DYDC1: variants seen among roughly 807,000 people sequenced by gnomAD.
DYDC1 encodes the protein DPY30 domain containing 1.
A neutral mutation model predicts 27.9 loss-of-function variants in DYDC1; 21 were observed. That is an observed-to-expected ratio of 0.75 (90% confidence interval 0.53 to 1.08). DYDC1 has a LOEUF of 1.08. Ranked by LOEUF, DYDC1 falls within the 50% of genes least tolerant of loss-of-function variation. The pLI, the probability that DYDC1 is intolerant of heterozygous loss-of-function variation, is 0.00. For missense variants in DYDC1, 202 were observed against 205.9 expected (o/e 0.98, Z 0.12); for synonymous variants, 67 against 65.8 (o/e 1.02, Z -0.09).
chr10:80,355,018 G>A (rs1439528762), intron 1 of DYDC1, among the ~76,000 whole-genome samples: 2 of 151,456 alleles, frequency 1.3e-5, no homozygotes, highest in Non-Finnish European at 2.9e-5. Context: ...GACCAGACAA[G>A]AGGAGTAGCT....
At chr10:80,353,045 G>A (rs952062202) in intron 1 of DYDC1, among the ~76,000 whole-genome samples, 1 of 151,782 alleles carries the variant, frequency 6.6e-6, no homozygotes, top group Admixed American at 6.6e-5. Context: ...GACAGGGTTT[G>A]TACCCACCTC....
At chr10:80,346,560 A>G (rs1842652088) in intron 3 of DYDC1, among the ~76,000 whole-genome samples, 1 of 146,110 alleles carries the variant, frequency 6.8e-6, no homozygotes, top group Admixed American at 7.2e-5. Context: ...TCCTGGGTTC[A>G]CACCATTCTC....
At chr10:80,340,389 G>C (rs1172476592) in intron 4 of DYDC1, among the ~76,000 whole-genome samples, 1 of 152,194 alleles carries the variant, frequency 6.6e-6, no homozygotes, top group African/African-American at 2.4e-5. Context: ...GTGGTACTTT[G>C]CAGGGGACTA....
intron 1 of DYDC1, among the ~76,000 whole-genome samples, chr10:80,353,078 A>C (rs139967477): frequency 1.3e-5 from 2 of 152,088 alleles, no homozygotes; most frequent in Non-Finnish European, 2.9e-5. Flanking sequence ...CCCTAACCCT[A>C]AAGACTACAC....
chr10:80,351,280 G>A (rs959887597), intron 3 of DYDC1, among the ~76,000 whole-genome samples: 1 of 152,004 alleles, frequency 6.6e-6, no homozygotes, highest in African/African-American at 2.4e-5. Context: ...CCTTCTCCCT[G>A]CCCAACCTAT....
chr10:80,355,234 T>C (rs1233557521), intron 1 of DYDC1, among the ~76,000 whole-genome samples: 2 of 151,892 alleles, frequency 1.3e-5, no homozygotes, highest in African/African-American at 4.8e-5. Context: ...CCTGGACAAA[T>C]GCATCTAGCA....
intron 6 of DYDC1, chr10:80,338,033 G>A (rs1212069888): frequency 1.0e-6 from 1 of 967,390 alleles, no homozygotes; most frequent in Admixed American, 6.2e-5. Context: ...ACAGCATCAG[G>A]CACAGTGCCT....
intron 4 of DYDC1, among the ~76,000 whole-genome samples, chr10:80,340,998 T>C (rs1340381): frequency 0.5 from 75,711 of 152,030 alleles, 19,300 homozygotes; most frequent in East Asian, 0.8. Flanking sequence ...AATTCACCAT[T>C]CACACTTTTT....
Position 80,338,516 on chromosome 10 carries a change from G to T in DYDC1, c.455C>A (p.Ala152Glu), listed in dbSNP as rs1589496754. The T allele has an allele frequency of 6.2e-7, 1 of 1,611,658 alleles. No individual in the cohort carries two copies. Among genetic ancestry groups the T allele is most frequent in the African/African-American group, 1.3e-5 (1 of 74,948 alleles). Residue 152 changes from alanine to glutamate, a missense_variant, in exon 6 of 7, where the codon GCA (alanine) becomes GAA (glutamate). Coordinates refer to ENST00000372202, the MANE Select transcript of DYDC1 (RefSeq NM_001269053.2). ...TLAEISDRYG[A>E]PNLSRVEELD... The stretch of plus-strand genomic sequence containing the variant: ...TTCTTCCACTCTGCTCAAGTTAGGT[G>T]CTCCATAACGATCGCTGATTTCAGC...
intron 6 of DYDC1, among the ~76,000 whole-genome samples, chr10:80,337,593 A>C (rs1842175381): frequency 6.6e-6 from 1 of 152,224 alleles, no homozygotes; most frequent in East Asian, 1.9e-4. Flanking sequence ...AGAAATGACA[A>C]GTGCTTTCAT....
At chr10:80,354,383 G>A (rs1442941706) in intron 1 of DYDC1, 1 of 150,938 alleles carries the variant, frequency 6.6e-6, no homozygotes, top group Non-Finnish European at 1.5e-5. Context: ...CTACTTGGAA[G>A]GCTGAGGCAG....
At chr10:80,338,971 T>C in intron 5 of DYDC1, 126 bp downstream of exon 5, 1 of 531,580 alleles carries the variant, frequency 1.9e-6, no homozygotes, top group East Asian at 3.7e-5. Flanking sequence ...CCGGAAAATA[T>C]ACATGGACTA....
intron 3 of DYDC1, among the ~76,000 whole-genome samples, chr10:80,348,478 G>A (rs1042669510): frequency 7.2e-5 from 11 of 152,192 alleles, no homozygotes; most frequent in Non-Finnish European, 1.5e-4. Flanking sequence ...CACAAGTAAC[G>A]TAAAGCTGCT....
intron 1 of DYDC1, among the ~76,000 whole-genome samples, chr10:80,353,334 T>C (rs1589522103): frequency 6.6e-6 from 1 of 151,698 alleles, no homozygotes; most frequent in Non-Finnish European, 1.5e-5. Flanking sequence ...CTAATTTTTT[T>C]TGTATTTTTA....
At chr10:80,347,081 G>A (rs572194887) in intron 3 of DYDC1, among the ~76,000 whole-genome samples, 8 of 147,002 alleles carry the variant, frequency 5.4e-5, no homozygotes, top group East Asian at 2.0e-4. Flanking sequence ...CTCTGTGTCC[G>A]AAAAAGAAAA....
At chr10:80,338,337 T>C (rs1024145941) in intron 6 of DYDC1, 130 bp downstream of exon 6, 8 of 1,380,478 alleles carry the variant, frequency 5.8e-6, no homozygotes, top group Non-Finnish European at 7.5e-6. Flanking sequence ...TGATTTTCTT[T>C]CTCTGAAGCA....
At chr10:80,350,233 CATA>C (rs1269384218) in intron 3 of DYDC1, among the ~76,000 whole-genome samples, 2 of 152,190 alleles carry the variant, frequency 1.3e-5, no homozygotes, top group African/African-American at 4.8e-5. Flanking sequence ...TACCGGTCAA[CATA>C]ATATGGCTAG....
chr10:80,356,116 G>C (rs1843353314), intron 1 of DYDC1: 1 of 419,948 alleles, frequency 2.4e-6, no homozygotes, highest in Non-Finnish European at 3.2e-6. Context: ...CCAGGTCAGG[G>C]GAGGCTCTGT....
At chr10:80,338,418 A>G in intron 6 of DYDC1, 49 bp downstream of exon 6, 1 of 1,605,244 alleles carries the variant, frequency 6.2e-7, no homozygotes, top group Non-Finnish European at 8.5e-7. Context: ...AAAAAAAATC[A>G]AAAACAAAAA....
Sources: gnomAD v4.1 joint callset for allele counts (sites outside exome capture counted in the v4.1 genomes callset) on GRCh38, gnomAD v4.1.1 for gene constraint, MANE v1.5 for transcripts, NCBI Gene and HGNC (gene_info 2026-07-23, HGNC 2026-07-21) for gene names.